The following CNTNAP2 variants were observed in gnomAD, a reference collection of about 807,000 sequenced individuals.
The protein encoded by CNTNAP2 is contactin-associated protein-like 2.
A neutral mutation model predicts 155.2 loss-of-function variants in CNTNAP2; 98 were observed. That is an observed-to-expected ratio of 0.63 (90% CI 0.54 to 0.75). CNTNAP2 has a LOEUF of 0.75. Among genes scored for constraint, CNTNAP2 ranks in the 30% least tolerant of loss-of-function variants. The pLI is 0.00. For missense variants in CNTNAP2, 1,727 were observed against 1,688.1 expected (o/e 1.02, Z -0.40); for synonymous variants, 651 against 631.2 (o/e 1.03, Z -0.47).
At chr7:146,586,035 C>T (rs201214900) in intron 1 of CNTNAP2, among the ~76,000 whole-genome samples, 4 of 66,646 alleles carry the variant, frequency 6.0e-5, no homozygotes, top group Non-Finnish European at 1.3e-4. Context: ...ACAAAACAAA[C>T]AAAAGAAAAC....
chr7:146,516,600 T>C (rs1797545417), intron 1 of CNTNAP2, among the ~76,000 whole-genome samples: 2 of 151,980 alleles, frequency 1.3e-5, no homozygotes, highest in African/African-American at 4.8e-5. Flanking sequence ...CTTATTAGTC[T>C]ATGTCTGTAA....
At chr7:147,260,347 C>T (rs1804431148) in intron 8 of CNTNAP2, among the ~76,000 whole-genome samples, 1 of 152,058 alleles carries the variant, frequency 6.6e-6, no homozygotes, top group Non-Finnish European at 1.5e-5. Context: ...AGATACATTT[C>T]ATGTAAAAGT....
chr7:147,752,801 T>G (rs1314597123), intron 13 of CNTNAP2, among the ~76,000 whole-genome samples: 1 of 152,172 alleles, frequency 6.6e-6, no homozygotes, highest in East Asian at 1.9e-4. Context: ...ATTTAAAGAG[T>G]TTAAATGCCA....
At chr7:146,279,363 T>A (rs1016368473) in intron 1 of CNTNAP2, among the ~76,000 whole-genome samples, 1 of 151,942 alleles carries the variant, frequency 6.6e-6, no homozygotes, top group African/African-American at 2.4e-5. Context: ...TAGAAGCTGG[T>A]TAGAAGAAAT....
chr7:148,351,020 C>T (rs1369229925), intron 21 of CNTNAP2, among the ~76,000 whole-genome samples: 1 of 152,192 alleles, frequency 6.6e-6, no homozygotes, highest in African/African-American at 2.4e-5. Context: ...GAGATACAAG[C>T]GAGCGAGAGA....
chr7:146,684,024 T>G (rs1428330453), intron 1 of CNTNAP2, among the ~76,000 whole-genome samples: 1 of 152,190 alleles, frequency 6.6e-6, no homozygotes, highest in Non-Finnish European at 1.5e-5. Context: ...TGCTCTCCTT[T>G]GACAAGCCCG....
intron 1 of CNTNAP2, among the ~76,000 whole-genome samples, chr7:146,194,375 C>CAAAGTCATGTCTT (rs1357183139): frequency 1.1e-4 from 16 of 152,194 alleles, no homozygotes; most frequent in Non-Finnish European, 1.2e-4. Context: ...AAAGGAGAAG[C>CAAAGTCATGTCTT]AAAGTCATGT....
rs1356168907 is a variant in CNTNAP2, at chr7:148,158,235, T to C, written c.2773+10526T>C. Among the ~76,000 whole-genome samples the C allele has an allele frequency of 4.3e-5, 6 of 139,598 alleles. No individual in the cohort carries two copies. In the South Asian group the frequency reaches 1.4e-3, roughly 32 times the overall value. 91.6% of individuals were successfully genotyped at this position (139,598 alleles called of 152,430 possible). The stretch of plus-strand genomic sequence containing the variant: ...ACAATGTTTGCGCTTTTTTTTTTTT[T>C]TTTTTTGAGACAGAGTCTCCCTCTG... On this transcript the variant is annotated intron_variant, in intron 17 of 23. Coordinates refer to ENST00000361727, the MANE Select transcript of CNTNAP2 (RefSeq NM_014141.6).
rs1453687340 is a variant in CNTNAP2 at position 147,820,267 on chromosome 7, CT to C, written c.2099-83297del. ...CCCTGATGATTAATGATTCTGGGCACTGTTTTATTTGCTTATTGGTTATTGC... is the reference window on the plus strand; with the variant it reads ...CCCTGATGATTAATGATTCTGGGCACGTTTTATTTGCTTATTGGTTATTGC... On this transcript the variant is annotated intron_variant, in intron 13 of 23. Coordinates refer to ENST00000361727, the MANE Select transcript of CNTNAP2 (RefSeq NM_014141.6). Among the ~76,000 whole-genome samples the C allele has an allele frequency of 3.3e-5, 5 of 152,068 alleles. No homozygotes were observed. The South Asian group carries it at 1.0e-3, about 32-fold the overall frequency.
chr7:147,958,268 G>A (rs1475999489), intron 14 of CNTNAP2, among the ~76,000 whole-genome samples: 1 of 152,094 alleles, frequency 6.6e-6, no homozygotes. Context: ...ACCAAAAAAT[G>A]AATACTTACG....
At chr7:147,049,419 T>C (rs1328346784) in intron 4 of CNTNAP2, among the ~76,000 whole-genome samples, 1 of 152,194 alleles carries the variant, frequency 6.6e-6, no homozygotes, top group African/African-American at 2.4e-5. Context: ...TTTTCTATAC[T>C]AGAGTTCAAA....
chr7:147,094,757 T>C (rs2129274672), intron 4 of CNTNAP2, among the ~76,000 whole-genome samples: 1 of 152,282 alleles, frequency 6.6e-6, no homozygotes, highest in Non-Finnish European at 1.5e-5. Context: ...AAAATGTTCC[T>C]ACGTTTTTAG....
chr7:146,667,641 G>GT (rs1386166621), intron 1 of CNTNAP2, among the ~76,000 whole-genome samples: 2 of 151,642 alleles, frequency 1.3e-5, no homozygotes, highest in Non-Finnish European at 2.9e-5. Flanking sequence ...ATCCTCTTCA[G>GT]TTTTTTCATC....
At chr7:148,386,357 G>A (rs1307034581) in intron 22 of CNTNAP2, among the ~76,000 whole-genome samples, 4 of 152,000 alleles carry the variant, frequency 2.6e-5, no homozygotes, top group African/African-American at 7.2e-5. Context: ...GTGAAAGCCC[G>A]TCTCTACTAA....
At chr7:146,682,254 T>A in intron 1 of CNTNAP2, among the ~76,000 whole-genome samples, 1 of 152,122 alleles carries the variant, frequency 6.6e-6, no homozygotes, top group East Asian at 1.9e-4. Flanking sequence ...TATATATTTT[T>A]AATGTAAGTA....
chr7:147,508,077 G>A (rs971033185), intron 11 of CNTNAP2, among the ~76,000 whole-genome samples: 3 of 152,032 alleles, frequency 2.0e-5, no homozygotes, highest in African/African-American at 7.3e-5. Context: ...CATTTACATA[G>A]TGATTCCTTC....
At chr7:146,375,375 C>T (rs1795291027) in intron 1 of CNTNAP2, among the ~76,000 whole-genome samples, 1 of 152,204 alleles carries the variant, frequency 6.6e-6, no homozygotes, top group Admixed American at 6.5e-5. Context: ...CCCAAACAAT[C>T]ACAGATAATC....
At position 146,451,970 on chromosome 7, in the gene CNTNAP2, G is replaced by A. The variant is rs183559436; in HGVS notation, c.98-322301G>A. Among the ~76,000 whole-genome samples, 618 of 150,766 alleles carry A rather than the reference G, an allele frequency of 4.1e-3. 7 individuals carry two copies. The highest frequency in any genetic ancestry group is 0.013 in the African/African-American group (550 of 41,030). On this transcript the variant is annotated intron_variant, in intron 1 of 23. Coordinates refer to ENST00000361727, the MANE Select transcript of CNTNAP2 (RefSeq NM_014141.6). ...GTCACCCAGGCTGGAGTGCAGTGGCGCGATCTCGACTCACTGCAACCTCTG... is the reference window on the plus strand; with the variant it reads ...GTCACCCAGGCTGGAGTGCAGTGGCACGATCTCGACTCACTGCAACCTCTG...
At position 147,168,645 on chromosome 7, in the gene CNTNAP2, G is replaced by A. The variant is rs193012969; in HGVS notation, c.1348+36136G>A. 3.3e-3 allele frequency among the ~76,000 whole-genome samples: 506 copies of A among 152,060 alleles called. 1 individual carries two copies. Among genetic ancestry groups the A allele is most frequent in the African/African-American group, 0.011 (466 of 41,496 alleles). On this transcript the variant is annotated intron_variant, in intron 8 of 23. Transcript: ENST00000361727. Reference sequence around the variant, plus strand: ...ATTGGAATTCCATTTCCATTATATTGAAGTTACTTTTTCCATTGCTATCAT... The same window carrying A: ...ATTGGAATTCCATTTCCATTATATTAAAGTTACTTTTTCCATTGCTATCAT...
Sources: gnomAD v4.1 joint callset for allele counts (sites outside exome capture counted in the v4.1 genomes callset) on GRCh38, gnomAD v4.1.1 for gene constraint, MANE v1.5 for transcripts, NCBI Gene and HGNC (gene_info 2026-07-23, HGNC 2026-07-21) for gene names.